Variants in SLC38A11 observed in about 807,000 individuals in gnomAD.
The protein encoded by SLC38A11 is solute carrier family 38 member 11.
A neutral mutation model predicts 49.4 loss-of-function variants in SLC38A11; 51 were observed. The observed-to-expected ratio is 1.03, with a 90% CI of 0.83 to 1.30. SLC38A11 has a LOEUF of 1.30. Among genes scored for constraint, SLC38A11 ranks in the 50% most tolerant of loss-of-function variants. The pLI, the probability that SLC38A11 is intolerant of heterozygous loss-of-function variation, is 0.00. For synonymous variants in SLC38A11, 203 were observed against 192.9 expected (o/e 1.05, Z -0.43); for missense variants, 574 against 556.2 (o/e 1.03, Z -0.32).
rs558172376 is a variant in SLC38A11 at position 164,950,678 on chromosome 2, T to C, written c.229+2029A>G. 1.4e-3 allele frequency among the ~76,000 whole-genome samples: 219 copies of C among 152,280 alleles called. 1 individual carries two copies. The Middle Eastern group carries it at 0.017, about 12-fold the overall frequency. On this transcript the variant is annotated intron_variant, in intron 3 of 11. Coordinates refer to ENST00000685975, the MANE Select transcript of SLC38A11 (RefSeq NM_001351537.2). ...TTATGTTAATCAACAAATTTGAAAA[T>C]CTTAAAGCAAATTAGAATTATTTGC...
intron 7 of SLC38A11, among the ~76,000 whole-genome samples, chr2:164,918,836 G>A (rs1685979914): frequency 6.6e-6 from 1 of 152,028 alleles, no homozygotes; most frequent in Non-Finnish European, 1.5e-5. Flanking sequence ...AAGTGGCAGT[G>A]ACAACAAAAA....
At chr2:164,944,383 C>G (rs1687972225) in intron 5 of SLC38A11, among the ~76,000 whole-genome samples, 186 bp downstream of exon 5, 1 of 151,882 alleles carries the variant, frequency 6.6e-6, no homozygotes, top group Non-Finnish European at 1.5e-5. Flanking sequence ...TAAATAAGAA[C>G]TAAATTATGT....
chr2:164,937,363 G>C lies in SLC38A11; in HGVS notation c.604C>G (p.Leu202Val). The C allele has an allele frequency of 6.2e-7, 1 of 1,609,280 alleles. No homozygotes were observed. Among genetic ancestry groups the C allele is most frequent in the South Asian group, 1.1e-5 (1 of 90,960 alleles). Residue 202 changes from leucine to valine, a missense_variant, in exon 7 of 12, where the codon CTG becomes GTG. By Grantham distance (32) the Leu-to-Val change is conservative. Transcript: ENST00000685975. ...LGIVMARAIS[L>V]GPHIPKTEDA... Reference sequence around the variant, plus strand: ...AACATAACTTACATGTGTGGACCCAGTGAAATTGCCCTTGCCATTACAATT... The same window carrying C: ...AACATAACTTACATGTGTGGACCCACTGAAATTGCCCTTGCCATTACAATT...
At position 164,898,515 on chromosome 2, in the gene SLC38A11, G is replaced by T. The variant is rs769554564; in HGVS notation, c.1311C>A (p.Phe437Leu). ...GAGACTCTGAGGTATTTGTGAGAGA[G>T]AAATTGTCAGGAAAGCAGTAGAACA... ...QEMFYCFPDN[F>L]SLTNTSESHV... Residue 437 changes from phenylalanine to leucine, a missense_variant, in exon 12 of 12, where the codon TTC becomes TTA. By Grantham distance (22) the Phe-to-Leu change is conservative (BLOSUM62 0). Transcript: ENST00000685975. The T allele has an allele frequency of 4.3e-6, 7 of 1,613,494 alleles. No homozygotes were observed. In the South Asian group the frequency reaches 7.7e-5, roughly 18 times the overall value.
chr2:164,947,423 C>T (rs959218826), intron 3 of SLC38A11, among the ~76,000 whole-genome samples: 2 of 152,060 alleles, frequency 1.3e-5, no homozygotes, highest in Admixed American at 1.3e-4. Context: ...TAAGCTACCG[C>T]GCCTGGCCTT....
intron 5 of SLC38A11, among the ~76,000 whole-genome samples, chr2:164,943,897 C>T (rs1262676865): frequency 6.6e-6 from 1 of 152,100 alleles, no homozygotes; most frequent in East Asian, 1.9e-4. Context: ...CACTCTGTTG[C>T]CCAACCTGCA....
chr2:164,955,308 G>GC lies in SLC38A11; in HGVS notation c.-62dup. 1 of 1,474,820 alleles carries GC rather than the reference G, an allele frequency of 6.8e-7. No homozygotes were observed. The highest frequency in any genetic ancestry group is 1.2e-5 in the South Asian group (1 of 82,570). The allele number at this position is 1,474,820 out of a possible 1,614,324, so 91.4% of individuals were successfully genotyped here. ...GGGGCTGGGTACGGATTCGCACCCG[G>GC]CCAGCCTCCTCCGCCACCTCGCACA... On this transcript the variant is annotated 5_prime_UTR_variant, in exon 1 of 12. Coordinates refer to ENST00000685975, the MANE Select transcript of SLC38A11 (RefSeq NM_001351537.2).
intron 3 of SLC38A11, among the ~76,000 whole-genome samples, chr2:164,948,951 G>T (rs1229548684): frequency 7.1e-6 from 1 of 141,688 alleles, no homozygotes; most frequent in Admixed American, 7.4e-5. Flanking sequence ...GAACATTCCT[G>T]CTCTTTTGAG....
intron 3 of SLC38A11, among the ~76,000 whole-genome samples, chr2:164,949,200 A>G (rs2105516999): frequency 6.9e-6 from 1 of 144,510 alleles, no homozygotes; most frequent in South Asian, 2.3e-4. Context: ...TTCTAATTTA[A>G]TGTGATAAAT....
chr2:164,938,599 T>G (rs541179519), intron 6 of SLC38A11, among the ~76,000 whole-genome samples: 6 of 152,300 alleles, frequency 3.9e-5, no homozygotes, highest in African/African-American at 1.4e-4. Context: ...TCTTGTTTGT[T>G]TCCAGATGAC....
Position 164,894,551 on chromosome 2 carries a change from T to C in SLC38A11, c.*3886A>G, listed in dbSNP as rs905401474. ...AGTCCTTGGAAAACTTGGTGTTCTT[T>C]TGAGAAACTGATATATTTTCTTCAT... On this transcript the variant is annotated 3_prime_UTR_variant, in exon 12 of 12. Transcript: ENST00000685975. Among the ~76,000 whole-genome samples the C allele has an allele frequency of 1.3e-5, 2 of 152,164 alleles. No homozygotes were observed. The highest frequency in any genetic ancestry group is 4.8e-5 in the African/African-American group (2 of 41,436).
chr2:164,917,232 CAG>C (rs1431552035), intron 7 of SLC38A11, among the ~76,000 whole-genome samples: 3 of 152,094 alleles, frequency 2.0e-5, no homozygotes, highest in African/African-American at 7.2e-5. Flanking sequence ...CAATAAAAAA[CAG>C]AAATTCTAAA....
At chr2:164,904,694 C>T (rs1316419449) in intron 11 of SLC38A11, among the ~76,000 whole-genome samples, 1 of 152,106 alleles carries the variant, frequency 6.6e-6, no homozygotes, top group Admixed American at 6.5e-5. Context: ...ATTATTAAGA[C>T]AAAAACTTTT....
rs1368984955 is a variant in SLC38A11, at chr2:164,944,517, A to T, written c.430+52T>A. ...ATTATGAACCATGTTAACTATAAAT[A>T]ACTATATAAAATAAATATATTTAAA... On this transcript the variant is annotated intron_variant, in intron 5 of 11. Transcript: ENST00000685975. The T allele has an allele frequency of 5.0e-6, 4 of 795,534 alleles. No individual in the cohort carries two copies. In the African/African-American group the frequency reaches 5.4e-5, roughly 11 times the overall value. The allele number at this position is 795,534 out of a possible 1,614,324, so 49.3% of individuals were successfully genotyped here.
intron 7 of SLC38A11, among the ~76,000 whole-genome samples, chr2:164,922,783 A>G (rs1454378084): frequency 1.3e-5 from 2 of 152,214 alleles, no homozygotes; most frequent in Non-Finnish European, 2.9e-5. Context: ...CCTGAATAAA[A>G]AGAACAAAGC....
intron 9 of SLC38A11, among the ~76,000 whole-genome samples, chr2:164,913,777 T>G (rs1224028818): frequency 6.6e-6 from 1 of 152,082 alleles, no homozygotes; most frequent in African/African-American, 2.4e-5. Context: ...ATAGAAATGC[T>G]TTGGAACACA....
intron 7 of SLC38A11, among the ~76,000 whole-genome samples, chr2:164,928,054 G>C (rs1230045644): frequency 6.6e-6 from 1 of 152,118 alleles, no homozygotes; most frequent in African/African-American, 2.4e-5. Flanking sequence ...AGGAGCCTAG[G>C]CTGTTCCTCT....
Position 164,898,644 on chromosome 2 carries a change from A to T in SLC38A11, c.1182T>A (p.Asp394Glu). 6.2e-7 allele frequency: 1 copy of T among 1,613,582 alleles called. No individual in the cohort carries two copies. Among genetic ancestry groups the T allele is most frequent in the Non-Finnish European group, 8.5e-7 (1 of 1,179,688 alleles). ...KLSEEPRTHS[D>E]KIMSCVMLPI... ...GAAGCATGACACAAGACATAATCTT[A>T]TCGGAGTGTGTCCTTGGTTCTTCAG... Residue 394 changes from aspartate (D) to glutamate (E), a missense_variant, in exon 12 of 12, where the codon GAT (aspartate) becomes GAA (glutamate). Asp to Glu is a conservative substitution (Grantham distance 45, BLOSUM62 2). Transcript: ENST00000685975.
In SLC38A11 at chr2:164,945,536, G is replaced by A. The variant is rs1255325843; in HGVS notation, c.364+57C>T. ...ATGACTATTAAAAGTATTTTATTCAGAAATGACCATATGCTTATGCACATA... is the reference window on the plus strand; with the variant it reads ...ATGACTATTAAAAGTATTTTATTCAAAAATGACCATATGCTTATGCACATA... On this transcript the variant is annotated intron_variant, in intron 4 of 11. Coordinates refer to ENST00000685975, the MANE Select transcript of SLC38A11 (RefSeq NM_001351537.2). 34 of 1,488,362 alleles carry A rather than the reference G, an allele frequency of 2.3e-5. No individual in the cohort carries two copies. In the East Asian group the frequency reaches 7.3e-4, roughly 32 times the overall value. 92.2% of individuals were successfully genotyped at this position (1,488,362 alleles called of 1,614,324 possible). A position where few individuals can be genotyped will look rare whatever the true frequency, so the allele number is the denominator to read the frequency against.
Sources: allele counts gnomAD v4.1 joint callset (sites outside exome capture counted in the v4.1 genomes callset), GRCh38; gene constraint gnomAD v4.1.1; transcripts MANE v1.5; gene names NCBI Gene and HGNC (gene_info 2026-07-23, HGNC 2026-07-21).